Variants in TDRD12 observed in about 807,000 individuals in gnomAD.
TDRD12 encodes tudor domain containing 12.
A neutral mutation model predicts 133.5 loss-of-function variants in TDRD12; 158 were observed. The observed-to-expected ratio is 1.18, with a 90% CI of 1.04 to 1.35. The LOEUF (loss-of-function observed/expected upper bound fraction) is 1.35, where lower values mean the gene tolerates loss of function less well. Among genes scored for constraint, TDRD12 ranks in the 40% most tolerant of loss-of-function variants. The pLI, the probability that TDRD12 is intolerant of heterozygous loss-of-function variation, is 0.00. For missense variants in TDRD12, 1,443 were observed against 1,321.3 expected (o/e 1.09, Z -1.43); for synonymous variants, 460 against 477.9 (o/e 0.96, Z 0.49).
At chr19:32,762,302 A>G (rs569427798) in intron 8 of TDRD12, among the ~76,000 whole-genome samples, 2 of 152,154 alleles carry the variant, frequency 1.3e-5, no homozygotes, top group Admixed American at 6.5e-5. Flanking sequence ...GTTATTTTCT[A>G]GGAGTTTTGT....
At chr19:32,800,198 A>T (rs1048151461) in exon 17 of TDRD12, 2 of 1,517,498 alleles carry the variant, frequency 1.3e-6, no homozygotes, top group Admixed American at 2.2e-5. Flanking sequence ...TTTAAAAAAA[A>T]TATTGAAGTT....
chr19:32,795,462 C>T (rs758099143), intron 14 of TDRD12, among the ~76,000 whole-genome samples: 1 of 151,972 alleles, frequency 6.6e-6, no homozygotes, highest in East Asian at 1.9e-4. Context: ...GACCATTTCA[C>T]GGAGGAGAAA....
intron 1 of TDRD12, among the ~76,000 whole-genome samples, chr19:32,725,835 A>G (rs1968840684): frequency 6.6e-6 from 1 of 152,052 alleles, no homozygotes; most frequent in South Asian, 2.1e-4. Flanking sequence ...TGCTCTTCCT[A>G]TCCGCGAGCA....
intron 11 of TDRD12, among the ~76,000 whole-genome samples, chr19:32,789,793 G>C (rs1249671243): frequency 6.6e-6 from 1 of 152,172 alleles, no homozygotes; most frequent in African/African-American, 2.4e-5. Flanking sequence ...CTGAGGTCAG[G>C]AGTTCGAGAC....
At chr19:32,811,502 G>C in intron 24 of TDRD12, 82 bp downstream of exon 24, 3 of 1,295,452 alleles carry the variant, frequency 2.3e-6, no homozygotes, top group Non-Finnish European at 3.2e-6. Flanking sequence ...AGGCCTGTCT[G>C]GATTTACAGT....
downstream of TDRD12, among the ~76,000 whole-genome samples, chr19:32,821,988 G>A (rs564625348): frequency 2.6e-5 from 4 of 152,130 alleles, no homozygotes; most frequent in Admixed American, 2.6e-4. Flanking sequence ...GGCATGGTGG[G>A]GGGGCACCTG....
chr19:32,812,762 C>T (rs893775648), intron 24 of TDRD12, among the ~76,000 whole-genome samples: 6 of 152,210 alleles, frequency 3.9e-5, no homozygotes, highest in African/African-American at 1.4e-4. Flanking sequence ...TGAATTAATT[C>T]ACCAAGTGCA....
chr19:32,733,865 A>AT (rs541253568), intron 2 of TDRD12, among the ~76,000 whole-genome samples: 42 of 149,538 alleles, frequency 2.8e-4, no homozygotes, highest in Non-Finnish European at 5.2e-4. Flanking sequence ...CCTTTTTTAA[A>AT]TTTTTTTAAT....
chr19:32,779,888 C>T (rs1970711291), intron 11 of TDRD12, among the ~76,000 whole-genome samples: 1 of 152,102 alleles, frequency 6.6e-6, no homozygotes. Context: ...CACGTCATCT[C>T]TGATATTTAA....
At chr19:32,813,821 G>T in intron 25 of TDRD12, 45 bp downstream of exon 25, 1 of 1,113,746 alleles carries the variant, frequency 9.0e-7, no homozygotes, top group South Asian at 1.4e-5. Flanking sequence ...TTGAATGGGC[G>T]GCTAAAATTA....
At chr19:32,800,018 G>T (rs963172988) in intron 16 of TDRD12, 149 bp from the exon 17 acceptor site, 2 of 581,270 alleles carry the variant, frequency 3.4e-6, no homozygotes, top group African/African-American at 3.8e-5. Flanking sequence ...ACAGACGTGA[G>T]CCACCACACC....
At chr19:32,806,834 G>A (rs560141672) in intron 21 of TDRD12, among the ~76,000 whole-genome samples, 1 of 151,658 alleles carries the variant, frequency 6.6e-6, no homozygotes, top group South Asian at 2.1e-4. Flanking sequence ...GCTAATTTTT[G>A]TATTTTTAGT....
At chr19:32,815,999 G>GAA (rs376754025) in intron 26 of TDRD12, among the ~76,000 whole-genome samples, 1 of 127,484 alleles carries the variant, frequency 7.8e-6, no homozygotes, top group Non-Finnish European at 1.7e-5. Flanking sequence ...TCTCAAAAAA[G>GAA]AAAAAAAAAA....
intron 6 of TDRD12, among the ~76,000 whole-genome samples, 200 bp from the exon 7 acceptor site, chr19:32,755,792 A>G (rs567635820): frequency 3.9e-5 from 6 of 152,244 alleles, no homozygotes; most frequent in Non-Finnish European, 8.8e-5. Context: ...TTTCACACAG[A>G]TGCTTGCTGT....
At chr19:32,791,945 TAAAAA>T (rs33969319) in intron 13 of TDRD12, among the ~76,000 whole-genome samples, 1 of 143,050 alleles carries the variant, frequency 7.0e-6, no homozygotes, top group Non-Finnish European at 1.5e-5. Context: ...GCCTTCACCT[TAAAAA>T]AAAAAAAAAA....
At chr19:32,728,180 T>A (rs1033319272) in intron 1 of TDRD12, among the ~76,000 whole-genome samples, 6 of 152,206 alleles carry the variant, frequency 3.9e-5, no homozygotes, top group African/African-American at 1.4e-4. Flanking sequence ...TGTAGTAAAG[T>A]TTTGTGATCA....
downstream of TDRD12, chr19:32,824,000 A>G (rs1047060261): frequency 3.3e-5 from 5 of 152,330 alleles, no homozygotes; most frequent in Non-Finnish European, 7.3e-5. Flanking sequence ...ACTGAGCTCT[A>G]CTGGGAAGCT....
chr19:32,797,943 C>A, intron 15 of TDRD12, 52 bp downstream of exon 15: 1 of 644,278 alleles, frequency 1.6e-6, no homozygotes, highest in South Asian at 1.8e-5. Flanking sequence ...TTTTCACTGT[C>A]TTCCCTACAG....
At chr19:32,735,930 A>C (rs1222607925) in intron 2 of TDRD12, among the ~76,000 whole-genome samples, 1 of 152,190 alleles carries the variant, frequency 6.6e-6, no homozygotes, top group Non-Finnish European at 1.5e-5. Flanking sequence ...AGATGGCACC[A>C]CTGCACTCCA....
Sources: gnomAD v4.1 joint callset for allele counts (sites outside exome capture counted in the v4.1 genomes callset) on GRCh38, gnomAD v4.1.1 for gene constraint, MANE v1.5 for transcripts, NCBI Gene and HGNC (gene_info 2026-07-23, HGNC 2026-07-21) for gene names.